CACNA2D1: variants seen among roughly 807,000 people sequenced by gnomAD.
CACNA2D1 encodes the protein calcium voltage-gated channel auxiliary subunit alpha2delta 1.
In CACNA2D1, 53 loss-of-function variants were observed where a neutral mutation model predicts 171.5. The ratio of observed to expected loss-of-function variants is 0.31; its 90% confidence interval spans 0.25 to 0.39. The LOEUF (loss-of-function observed/expected upper bound fraction) is 0.39. CACNA2D1 is among the 10% of genes least tolerant of loss of function. CACNA2D1 has a pLI of 1.00. For missense variants in CACNA2D1, 903 were observed against 1,299.8 expected (o/e 0.69, Z 4.69); for synonymous variants, 442 against 443.1 (o/e 1.00, Z 0.03).
intron 3 of CACNA2D1, among the ~76,000 whole-genome samples, chr7:82,192,775 A>G (rs1798472635): frequency 6.7e-6 from 1 of 148,942 alleles, no homozygotes; most frequent in Non-Finnish European, 1.5e-5. Context: ...TGAAACATCT[A>G]ACTTTTCTTC....
upstream of CACNA2D1, chr7:82,443,829 C>G (rs1456386577): frequency 7.1e-6 from 3 of 425,168 alleles, no homozygotes. Flanking sequence ...GAGGCGAAGG[C>G]GGAGGCGGGG....
At chr7:82,054,064 ATTTT>A (rs534041753) in intron 10 of CACNA2D1, among the ~76,000 whole-genome samples, 1 of 151,954 alleles carries the variant, frequency 6.6e-6, no homozygotes, top group African/African-American at 2.4e-5. Context: ...TTAACAACAT[ATTTT>A]TTTTAGGAAA....
chr7:82,249,894 T>G (rs1805419692), intron 3 of CACNA2D1, among the ~76,000 whole-genome samples: 1 of 152,176 alleles, frequency 6.6e-6, no homozygotes, highest in South Asian at 2.1e-4. Flanking sequence ...GGAAAATGAT[T>G]GGTGAGTAGG....
chr7:81,984,571 G>A (rs751201277), intron 22 of CACNA2D1, 64 bp downstream of exon 22: 35 of 879,530 alleles, frequency 4.0e-5, no homozygotes, highest in African/African-American at 3.8e-4. Context: ...AAATCTAGAC[G>A]TATTTAAACA....
chr7:82,086,371 C>A (rs1000995047), intron 6 of CACNA2D1, among the ~76,000 whole-genome samples: 1 of 152,126 alleles, frequency 6.6e-6, no homozygotes, highest in Non-Finnish European at 1.5e-5. Context: ...TGAAAACTAA[C>A]AAGATTTTCA....
chr7:82,021,119 TAGTACTAGATAA>T (rs2131022911), intron 12 of CACNA2D1: 1 of 152,260 alleles, frequency 6.6e-6, no homozygotes, highest in African/African-American at 2.4e-5. Flanking sequence ...TATATGCATT[TAGTACTAGATAA>T]AGGAAGAATA....
chr7:82,324,482 G>A (rs1181765914), intron 3 of CACNA2D1, among the ~76,000 whole-genome samples: 1 of 151,950 alleles, frequency 6.6e-6, no homozygotes, highest in Non-Finnish European at 1.5e-5. Context: ...GCGGTAGAGA[G>A]TATAGCACAG....
At chr7:82,266,970 AT>A (rs1807945817) in intron 3 of CACNA2D1, among the ~76,000 whole-genome samples, 1 of 152,168 alleles carries the variant, frequency 6.6e-6, no homozygotes. Flanking sequence ...CTTCTGAAAA[AT>A]TTTTATCCAT....
At chr7:82,269,676 A>G (rs1372327232) in intron 3 of CACNA2D1, among the ~76,000 whole-genome samples, 1 of 152,156 alleles carries the variant, frequency 6.6e-6, no homozygotes, top group African/African-American at 2.4e-5. Flanking sequence ...CTTTGTACCC[A>G]GCTTAATGTC....
chr7:82,413,409 C>T (rs1028970691), intron 1 of CACNA2D1, among the ~76,000 whole-genome samples: 3 of 152,210 alleles, frequency 2.0e-5, no homozygotes, highest in African/African-American at 7.2e-5. Flanking sequence ...GTCTTCCCAC[C>T]TCTGCCTGGC....
chr7:82,137,965 C>T (rs906137660), intron 4 of CACNA2D1, among the ~76,000 whole-genome samples: 1 of 152,172 alleles, frequency 6.6e-6, no homozygotes, highest in African/African-American at 2.4e-5. Flanking sequence ...TTCCCTTTCC[C>T]CCTCCCCGCA....
chr7:82,425,920 G>A (rs1829131286), intron 1 of CACNA2D1, among the ~76,000 whole-genome samples: 1 of 150,968 alleles, frequency 6.6e-6, no homozygotes, highest in Non-Finnish European at 1.5e-5. Context: ...CCTGAGGTCG[G>A]GAGTTCAAAA....
chr7:82,222,277 A>G (rs1325762821), intron 3 of CACNA2D1, among the ~76,000 whole-genome samples: 1 of 152,208 alleles, frequency 6.6e-6, no homozygotes, highest in Admixed American at 6.5e-5. Context: ...AGGAATTTCT[A>G]GGATAAAATG....
chr7:82,183,818 G>T (rs1481852906), intron 3 of CACNA2D1, among the ~76,000 whole-genome samples: 2 of 152,106 alleles, frequency 1.3e-5, no homozygotes, highest in Non-Finnish European at 2.9e-5. Context: ...GATTGTGTCA[G>T]ATTCTATCTG....
chr7:82,080,404 C>T (rs1427729654), intron 7 of CACNA2D1, among the ~76,000 whole-genome samples: 5 of 151,988 alleles, frequency 3.3e-5, no homozygotes, highest in South Asian at 2.1e-4. Flanking sequence ...TATATCTGGA[C>T]GAATAGGCTT....
At chr7:82,026,619 A>G (rs902447582) in intron 12 of CACNA2D1, among the ~76,000 whole-genome samples, 2 of 151,728 alleles carry the variant, frequency 1.3e-5, no homozygotes, top group Non-Finnish European at 3.0e-5. Flanking sequence ...GCACAACTTT[A>G]GATAACAATA....
intron 3 of CACNA2D1, among the ~76,000 whole-genome samples, chr7:82,296,081 G>A (rs1424697426): frequency 6.6e-6 from 1 of 151,570 alleles, no homozygotes; most frequent in South Asian, 2.1e-4. Flanking sequence ...GACACAGGAA[G>A]GGGAACATCA....
intron 1 of CACNA2D1, among the ~76,000 whole-genome samples, chr7:82,372,689 GA>G (rs1451239606): frequency 6.6e-6 from 1 of 151,962 alleles, no homozygotes; most frequent in African/African-American, 2.4e-5. Context: ...GGTTTGCAGA[GA>G]AAAATCTTGA....
At chr7:82,393,145 G>A (rs1308609819) in intron 1 of CACNA2D1, among the ~76,000 whole-genome samples, 1 of 149,526 alleles carries the variant, frequency 6.7e-6, no homozygotes, top group African/African-American at 2.5e-5. Context: ...CAGGAAGGGA[G>A]GGAGGCAGGC....
Sources: allele counts gnomAD v4.1 joint callset (sites outside exome capture counted in the v4.1 genomes callset), GRCh38; gene constraint gnomAD v4.1.1; transcripts MANE v1.5; gene names NCBI Gene and HGNC (gene_info 2026-07-23, HGNC 2026-07-21).